Variants in ANK2 observed in about 807,000 individuals in gnomAD.
ANK2 encodes the protein ankyrin 2, also known as ankyrin-2.
Under a neutral mutation model 360.5 loss-of-function variants are expected in ANK2, and 83 were observed. The observed-to-expected ratio is 0.23, with a 90% CI of 0.19 to 0.28. ANK2 has a LOEUF of 0.28. Ranked by LOEUF, ANK2 falls within the 10% of genes least tolerant of loss-of-function variation. The pLI, the probability that ANK2 is intolerant of heterozygous loss-of-function variation, is 1.00. For synonymous variants in ANK2, 1,740 were observed against 1,759.5 expected (o/e 0.99, Z 0.28); for missense variants, 4,201 against 4,795.7 (o/e 0.88, Z 3.66).
At chr4:113,079,897 AT>A (rs138918846) in intron 1 of ANK2, among the ~76,000 whole-genome samples, 57,283 of 144,306 alleles carry the variant, frequency 0.4, 12,515 homozygotes, top group African/African-American at 0.6. Context: ...CACCCTGAGA[AT>A]TTTTTTTTTT....
At chr4:112,962,055 A>C (rs2035084154) in intron 2 of ANK2, among the ~76,000 whole-genome samples, 1 of 151,990 alleles carries the variant, frequency 6.6e-6, no homozygotes, top group African/African-American at 2.4e-5. Context: ...AGAGAATGGG[A>C]ATTTATTTGT....
At chr4:113,283,414 G>A (rs924653269) in intron 18 of ANK2, among the ~76,000 whole-genome samples, 5 of 152,018 alleles carry the variant, frequency 3.3e-5, no homozygotes, top group Non-Finnish European at 7.4e-5. Context: ...TTCCATCAAC[G>A]TAGGCCTAGC....
At chr4:113,346,044 T>A (rs372534422) in intron 35 of ANK2, 22 bp downstream of exon 35, 1 of 1,612,498 alleles carries the variant, frequency 6.2e-7, no homozygotes, top group Non-Finnish European at 8.5e-7. Context: ...TCTGCTATAG[T>A]GCAATTCAGG....
At chr4:113,182,865 A>G (rs1006664093) in intron 2 of ANK2, among the ~76,000 whole-genome samples, 3 of 152,188 alleles carry the variant, frequency 2.0e-5, no homozygotes, top group Admixed American at 6.5e-5. Context: ...TGGAAGAGGA[A>G]GTGGAATCAA....
At chr4:113,288,667 T>C (rs570338974) in intron 20 of ANK2, among the ~76,000 whole-genome samples, 181 bp downstream of exon 20, 1 of 152,362 alleles carries the variant, frequency 6.6e-6, no homozygotes, top group South Asian at 2.1e-4. Flanking sequence ...AACTTTGACA[T>C]CCATGAAGGT....
rs1238771737 is a variant in ANK2 at position 113,355,231 on chromosome 4, C to T, written c.6613C>T (p.Leu2205=). ...TGCTTTAGATGGCAGTTCTGAAAGCCTAAAGAATGAGGGGGTAGCCGGCTC... is the reference window on the plus strand; with the variant it reads ...TGCTTTAGATGGCAGTTCTGAAAGCTTAAAGAATGAGGGGGTAGCCGGCTC... ...SGALDGSSES[L]KNEGVAGSPC... is the part of the protein sequence containing the mutation. Residue 2205 remains leucine, a synonymous_variant, in exon 38 of 46, where the codon CTA becomes TTA. Transcript: ENST00000357077. 6.2e-7 allele frequency: 1 copy of T among 1,613,956 alleles called. No individual in the cohort carries two copies. Among genetic ancestry groups the T allele is most frequent in the Non-Finnish European group, 8.5e-7 (1 of 1,179,964 alleles).
intron 2 of ANK2, among the ~76,000 whole-genome samples, chr4:113,187,313 T>A (rs1021225353): frequency 3.9e-5 from 6 of 152,182 alleles, no homozygotes; most frequent in Admixed American, 1.3e-4. Context: ...GAAAACCATT[T>A]ATCAGAAAGT....
At chr4:113,285,629 A>AGGAAGCTCCAAGTGTTCAGCTATCT (rs565482497) in intron 18 of ANK2, among the ~76,000 whole-genome samples, 132 of 152,314 alleles carry the variant, frequency 8.7e-4, no homozygotes, top group African/African-American at 2.9e-3. Flanking sequence ...ACCCTCCACA[A>AGGAAGCTCCAAGTGTTCAGCTATCT]GGAAGCTCCA....
At chr4:112,912,056 A>G (rs866104599) in intron 2 of ANK2, among the ~76,000 whole-genome samples, 6 of 152,094 alleles carry the variant, frequency 3.9e-5, no homozygotes, top group African/African-American at 1.4e-4. Context: ...GGGCGCCTGT[A>G]GTCCCAGCTA....
chr4:113,312,217 C>G (rs963304765), intron 24 of ANK2, among the ~76,000 whole-genome samples: 1 of 150,930 alleles, frequency 6.6e-6, no homozygotes, highest in Non-Finnish European at 1.5e-5. Flanking sequence ...TTGGAGGATC[C>G]CTTGAGCCCC....
chr4:112,909,931 A>G (rs533757244), intron 2 of ANK2, among the ~76,000 whole-genome samples: 2 of 152,326 alleles, frequency 1.3e-5, no homozygotes, highest in South Asian at 4.1e-4. Flanking sequence ...AAATGCTAGT[A>G]ATTCTCTATT....
At chr4:112,737,785 A>G in the ANK2 span, among the ~76,000 whole-genome samples, 5 of 152,170 alleles carry the variant, frequency 3.3e-5, no homozygotes, top group African/African-American at 1.2e-4. Flanking sequence ...GAGTTGGACT[A>G]TGTATGTTAG....
At chr4:112,796,641 T>C in the ANK2 span, among the ~76,000 whole-genome samples, 2 of 150,610 alleles carry the variant, frequency 1.3e-5, no homozygotes, top group African/African-American at 2.4e-5. Flanking sequence ...TGAGCCACCA[T>C]GTCTGGCCAC....
intron 2 of ANK2, among the ~76,000 whole-genome samples, chr4:113,041,563 C>T (rs577911757): frequency 6.6e-6 from 1 of 152,170 alleles, no homozygotes; most frequent in South Asian, 2.1e-4. Context: ...CCTTTTTAGC[C>T]ATATCACCAG....
chr4:113,034,034 A>G (rs2061033256), intron 2 of ANK2: 1 of 151,936 alleles, frequency 6.6e-6, no homozygotes, highest in African/African-American at 2.4e-5. Context: ...GTTAGCTAAT[A>G]GAATAGAATG....
rs959213326 is a variant in ANK2, at chr4:112,924,639, C to T, written c.21+20125C>T. The stretch of plus-strand genomic sequence containing the variant: ...GTAGCTTTTAAAGAAATTGTAATGA[C>T]AGGAAAAAAGTCCACTACCAATAAT... On this transcript the variant is annotated intron_variant, in intron 2 of 30. Coordinates refer to the ANK2 transcript ENST00000503271. 5.3e-5 allele frequency among the ~76,000 whole-genome samples: 8 copies of T among 151,696 alleles called. No homozygotes were observed. The East Asian group carries it at 1.4e-3, about 26-fold the overall frequency.
chr4:112,753,774 GAAT>G, the ANK2 span, among the ~76,000 whole-genome samples: 2 of 152,116 alleles, frequency 1.3e-5, no homozygotes, highest in Non-Finnish European at 2.9e-5. Flanking sequence ...GGGGAGGCAT[GAAT>G]AACTCACCCC....
At chr4:112,967,203 G>T (rs981180026) in intron 2 of ANK2, among the ~76,000 whole-genome samples, 6 of 152,210 alleles carry the variant, frequency 3.9e-5, no homozygotes, top group African/African-American at 1.4e-4. Context: ...CGATTTGTGA[G>T]ACTGTGTATA....
At chr4:113,054,669 T>A (rs2068713418) in intron 1 of ANK2, among the ~76,000 whole-genome samples, 1 of 152,196 alleles carries the variant, frequency 6.6e-6, no homozygotes, top group African/African-American at 2.4e-5. Context: ...AACTTACCAT[T>A]TGCCCTTTAT....
Sources: allele counts gnomAD v4.1 joint callset (sites outside exome capture counted in the v4.1 genomes callset), GRCh38; gene constraint gnomAD v4.1.1; transcripts MANE v1.5; gene names NCBI Gene and HGNC (gene_info 2026-07-23, HGNC 2026-07-21).